Variants in CHST9 observed in about 807,000 individuals in gnomAD.
CHST9 encodes GalNAc-4-sulfotransferase 2.
CHST9 carries 41 observed loss-of-function variants against 44.4 expected under a neutral mutation model. That is an observed-to-expected ratio of 0.92 (90% CI 0.72 to 1.20). CHST9 has a LOEUF of 1.20. Among genes scored for constraint, CHST9 ranks in the 50% most tolerant of loss-of-function variants. The pLI is 0.00. For synonymous variants in CHST9, 171 were observed against 178.4 expected (o/e 0.96, Z 0.33); for missense variants, 504 against 516.5 (o/e 0.98, Z 0.23).
At chr18:27,082,979 T>C (rs2057975285) in intron 2 of CHST9, among the ~76,000 whole-genome samples, 2 of 152,146 alleles carry the variant, frequency 1.3e-5, no homozygotes, top group Admixed American at 6.5e-5. Context: ...TTGGATCTTA[T>C]GTTAGACAGG....
At chr18:27,145,674 AGT>A (rs2058606528) in intron 1 of CHST9, among the ~76,000 whole-genome samples, 2 of 152,190 alleles carry the variant, frequency 1.3e-5, no homozygotes, top group Non-Finnish European at 2.9e-5. Flanking sequence ...TAGTAAAGAA[AGT>A]TTTTAAATAA....
At chr18:27,026,930 T>C (rs993094560) in intron 3 of CHST9, among the ~76,000 whole-genome samples, 3 of 152,206 alleles carry the variant, frequency 2.0e-5, no homozygotes, top group African/African-American at 7.2e-5. Context: ...CTGATCATCG[T>C]TTTTTGTGGT....
intron 2 of CHST9, among the ~76,000 whole-genome samples, chr18:27,062,918 T>C (rs975656218): frequency 2.0e-5 from 3 of 152,210 alleles, no homozygotes; most frequent in Admixed American, 2.0e-4. Flanking sequence ...CCAGTAATGA[T>C]GAGTCAATTC....
rs201836383 is a variant in CHST9 at position 27,104,843 on chromosome 18, GA to G, written c.121+37845del. 4.8e-3 allele frequency among the ~76,000 whole-genome samples: 731 copies of G among 151,678 alleles called. 5 individuals are homozygous for G. Among genetic ancestry groups the G allele is most frequent in the African/African-American group, 0.017 (706 of 41,380 alleles). On this transcript the variant is annotated intron_variant, in intron 2 of 5. Transcript: ENST00000618847. The stretch of plus-strand genomic sequence containing the variant: ...TTTCATGCTTTCGTTTTGAATACTT[GA>G]AAAAAAATGAAATTTGTTTAGCATT...
intron 5 of CHST9, among the ~76,000 whole-genome samples, chr18:26,917,994 A>C (rs550001769): frequency 6.6e-6 from 1 of 152,232 alleles, no homozygotes; most frequent in African/African-American, 2.4e-5. Flanking sequence ...CTCTTTCCCA[A>C]GTGAAGAATG....
At chr18:26,929,235 A>G (rs951306582) in intron 5 of CHST9, among the ~76,000 whole-genome samples, 8 of 152,234 alleles carry the variant, frequency 5.3e-5, no homozygotes, top group African/African-American at 1.9e-4. Context: ...TCTGTTGCTC[A>G]GAGAAGGCAA....
chr18:26,964,808 T>C (rs766070095), intron 4 of CHST9, among the ~76,000 whole-genome samples: 1 of 152,080 alleles, frequency 6.6e-6, no homozygotes, highest in Non-Finnish European at 1.5e-5. Flanking sequence ...CTAAAGGAAA[T>C]GTGCAGGATT....
intron 4 of CHST9, among the ~76,000 whole-genome samples, chr18:26,979,820 T>C (rs562122127): frequency 6.6e-6 from 1 of 152,192 alleles, no homozygotes; most frequent in Admixed American, 6.6e-5. Flanking sequence ...CTCTAGACCA[T>C]TGAGTTGATA....
chr18:27,084,052 T>C (rs138010506), intron 2 of CHST9, among the ~76,000 whole-genome samples: 26 of 152,164 alleles, frequency 1.7e-4, no homozygotes, highest in Non-Finnish European at 2.9e-4. Flanking sequence ...TAGTATTTTG[T>C]TGAGGATTTT....
At position 26,942,069 on chromosome 18, in the gene CHST9, T is replaced by C. The variant is rs1037993031; in HGVS notation, c.240+2260A>G. 2.3e-4 allele frequency among the ~76,000 whole-genome samples: 22 copies of C among 96,940 alleles called. No individual in the cohort carries two copies. In the East Asian group the frequency reaches 6.0e-3, roughly 27 times the overall value. 63.6% of individuals were successfully genotyped at this position (96,940 alleles called of 152,430 possible). On this transcript the variant is annotated intron_variant, in intron 5 of 5. Coordinates refer to ENST00000618847, the MANE Select transcript of CHST9 (RefSeq NM_031422.6). ...ATGCTCAGCAGCGCTCCATTTTGCC[T>C]TTTTTTTTTGATAAAAAATACTGTA...
intron 2 of CHST9, among the ~76,000 whole-genome samples, chr18:27,131,169 A>C (rs1259421461): frequency 1.3e-5 from 2 of 152,214 alleles, no homozygotes; most frequent in Admixed American, 6.5e-5. Context: ...ATTTGTTAAT[A>C]TCTCTGTAAA....
intron 4 of CHST9, chr18:26,952,226 C>A: frequency 1.9e-6 from 1 of 527,314 alleles, no homozygotes; most frequent in Non-Finnish European, 3.8e-6. Flanking sequence ...AAACAAGGCT[C>A]CCCGGACTTC....
In CHST9 at chr18:27,033,331, A is replaced by T. The variant is rs2057359790; in HGVS notation, c.161-9174T>A. On this transcript the variant is annotated intron_variant, in intron 3 of 5. Coordinates refer to ENST00000618847, the MANE Select transcript of CHST9 (RefSeq NM_031422.6). ...ACCCAACCCAAATAATCACCTGGATATACAGTGGTCTGTCCTTTACCCCAC... is the reference window on the plus strand; with the variant it reads ...ACCCAACCCAAATAATCACCTGGATTTACAGTGGTCTGTCCTTTACCCCAC... 2.0e-5 allele frequency among the ~76,000 whole-genome samples: 3 copies of T among 152,194 alleles called. No homozygotes were observed. The South Asian group carries it at 6.2e-4, about 32-fold the overall frequency.
At chr18:27,005,675 T>A (rs941674071) in intron 4 of CHST9, among the ~76,000 whole-genome samples, 1 of 152,158 alleles carries the variant, frequency 6.6e-6, no homozygotes, top group Non-Finnish European at 1.5e-5. Flanking sequence ...ATGAGGAAAC[T>A]GAGGCACAGA....
intron 2 of CHST9, among the ~76,000 whole-genome samples, chr18:27,082,171 C>T (rs2057967363): frequency 6.6e-6 from 1 of 152,126 alleles, no homozygotes; most frequent in African/African-American, 2.4e-5. Flanking sequence ...AAAGGACATC[C>T]ACATATGTGA....
In CHST9 at chr18:26,916,442, C is replaced by G. The variant is rs767629249; in HGVS notation, c.1149G>C (p.Met383Ile). 2 of 1,613,752 alleles carry G rather than the reference C, an allele frequency of 1.2e-6. No individual in the cohort carries two copies. The highest frequency in any genetic ancestry group is 3.3e-5 in the Admixed American group (2 of 59,992). Residue 383 changes from methionine to isoleucine, a missense_variant, in exon 6 of 6, where the codon ATG becomes ATC. Transcript: ENST00000618847. ...LEEDANYFLQ[M>I]IGAPKELKFP... The stretch of plus-strand genomic sequence containing the variant: ...ATTTCAGCTCCTTTGGAGCACCGAT[C>G]ATCTGTAAAAAGTAATTGGCATCTT...
At chr18:27,062,495 C>T (rs1465162676) in intron 2 of CHST9, among the ~76,000 whole-genome samples, 2 of 152,200 alleles carry the variant, frequency 1.3e-5, no homozygotes, top group Non-Finnish European at 2.9e-5. Flanking sequence ...ATGAACTCAT[C>T]CTTTTTTCTG....
intron 4 of CHST9, among the ~76,000 whole-genome samples, chr18:26,989,934 A>C (rs1026061590): frequency 2.0e-5 from 3 of 152,176 alleles, no homozygotes; most frequent in Non-Finnish European, 2.9e-5. Context: ...TGGGAGACAG[A>C]GTGAGACTCT....
chr18:27,158,532 C>A (rs1199191165), intron 1 of CHST9, among the ~76,000 whole-genome samples: 1 of 151,592 alleles, frequency 6.6e-6, no homozygotes, highest in Admixed American at 6.6e-5. Context: ...GGTTCCAAGT[C>A]TTTGCTATTG....
Sources: gnomAD v4.1 joint callset for allele counts (sites outside exome capture counted in the v4.1 genomes callset) on GRCh38, gnomAD v4.1.1 for gene constraint, MANE v1.5 for transcripts, NCBI Gene and HGNC (gene_info 2026-07-23, HGNC 2026-07-21) for gene names.